Variants in AMZ1 observed in about 807,000 individuals in gnomAD.
AMZ1 encodes the protein archaemetzincin-1.
Under a neutral mutation model 29.9 loss-of-function variants are expected in AMZ1, and 39 were observed. The observed-to-expected ratio is 1.30, with a 90% CI of 1.01 to 1.70. The LOEUF (loss-of-function observed/expected upper bound fraction) is 1.70. Among genes scored for constraint, AMZ1 ranks in the 40% most tolerant of loss-of-function variants. The pLI is 0.00. For missense variants in AMZ1, 1,041 were observed against 680.6 expected, an observed-to-expected ratio of 1.53 and a Z score of -5.89; for synonymous variants, 458 against 304.0, an observed-to-expected ratio of 1.51 and a Z score of -5.27.
chr7:2,736,279 T>C (rs1344462998), intron 4 of AMZ1, among the ~76,000 whole-genome samples: 1 of 152,082 alleles, frequency 6.6e-6, no homozygotes, highest in Non-Finnish European at 1.5e-5. Context: ...GGTCACACGA[T>C]CTAGAAACAC....
intron 4 of AMZ1, among the ~76,000 whole-genome samples, chr7:2,754,197 A>C (rs1356776280): frequency 6.6e-6 from 1 of 152,142 alleles, no homozygotes; most frequent in Non-Finnish European, 1.5e-5. Flanking sequence ...CAGCAGTCTG[A>C]GTCTGCATCT....
chr7:2,681,160 C>T (rs532405647), intron 1 of AMZ1, among the ~76,000 whole-genome samples: 4 of 152,236 alleles, frequency 2.6e-5, no homozygotes, highest in South Asian at 4.1e-4. Flanking sequence ...CACTCAGGCC[C>T]GAAAGCCCCA....
upstream of AMZ1, among the ~76,000 whole-genome samples, chr7:2,684,282 G>C (rs1786990642): frequency 1.3e-5 from 2 of 152,160 alleles, no homozygotes; most frequent in Admixed American, 6.5e-5. Context: ...GGCCCACCCT[G>C]ACTCTGACCC....
chr7:2,737,463 A>G (rs375283327), intron 4 of AMZ1, among the ~76,000 whole-genome samples: 146 of 151,742 alleles, frequency 9.6e-4, no homozygotes, highest in African/African-American at 3.2e-3. Flanking sequence ...TAACTTTTGT[A>G]TTTTTAGTAG....
chr7:2,721,670 C>T (rs369928658), downstream of AMZ1, among the ~76,000 whole-genome samples: 18 of 150,692 alleles, frequency 1.2e-4, no homozygotes, highest in East Asian at 2.4e-3. Flanking sequence ...GAGCCGAGAT[C>T]GCGACACTGC....
chr7:2,697,159 A>G (rs1228654666), intron 1 of AMZ1, among the ~76,000 whole-genome samples: 1 of 152,070 alleles, frequency 6.6e-6, no homozygotes, highest in Non-Finnish European at 1.5e-5. Flanking sequence ...CTGGAGTGCA[A>G]TGGCGCAATC....
intron 4 of AMZ1, among the ~76,000 whole-genome samples, chr7:2,735,126 C>T (rs148365310): frequency 2.6e-5 from 4 of 152,240 alleles, no homozygotes; most frequent in South Asian, 4.1e-4. Context: ...CCCTGATTTA[C>T]GACAAGTTCC....
At chr7:2,760,165 C>T (rs530113744), upstream of AMZ1, among the ~76,000 whole-genome samples, 5 of 152,344 alleles carry the variant, frequency 3.3e-5, no homozygotes, top group East Asian at 3.9e-4. Context: ...TTCTTCCCAT[C>T]GCCCGCCTCT....
chr7:2,710,583 G>T (rs1397126171), intron 6 of AMZ1, among the ~76,000 whole-genome samples: 1 of 152,176 alleles, frequency 6.6e-6, no homozygotes, highest in Non-Finnish European at 1.5e-5. Context: ...TTCCTTCTGG[G>T]GTAGAGTGAG....
At chr7:2,700,957 C>T (rs1172380452) in intron 2 of AMZ1, among the ~76,000 whole-genome samples, 2 of 152,198 alleles carry the variant, frequency 1.3e-5, no homozygotes, top group African/African-American at 2.4e-5. Flanking sequence ...ACACGATGCT[C>T]AGACGGCCCA....
intron 3 of AMZ1, among the ~76,000 whole-genome samples, chr7:2,707,755 C>T (rs1052780919): frequency 6.6e-6 from 1 of 151,826 alleles, no homozygotes; most frequent in African/African-American, 2.4e-5. Context: ...TCCTCCGAGC[C>T]AGCCCTGCAG....
chr7:2,763,038 CGTGCCG>C (rs1267482258), upstream of AMZ1: 259 of 1,250,802 alleles, frequency 2.1e-4, 1 homozygote, highest in South Asian at 4.9e-4. Context: ...CAGGACTCAG[CGTGCCG>C]TTCCTCCAGG....
At chr7:2,735,745 G>A (rs62441391) in intron 4 of AMZ1, among the ~76,000 whole-genome samples, 1 of 152,172 alleles carries the variant, frequency 6.6e-6, no homozygotes, top group Non-Finnish European at 1.5e-5. Context: ...CGGTCATCTT[G>A]CATGAGTGGC....
At chr7:2,697,402 T>G (rs1787807656) in intron 1 of AMZ1, among the ~76,000 whole-genome samples, 1 of 151,844 alleles carries the variant, frequency 6.6e-6, no homozygotes, top group Non-Finnish European at 1.5e-5. Context: ...CGGCTCTATT[T>G]TTTATTTTTT....
chr7:2,747,223 A>G (rs931578698), intron 4 of AMZ1, among the ~76,000 whole-genome samples: 1 of 152,244 alleles, frequency 6.6e-6, no homozygotes, highest in Non-Finnish European at 1.5e-5. Context: ...ACCAAAAAAG[A>G]GAATTTTAGA....
chr7:2,707,797 C>T (rs1301793708), intron 3 of AMZ1, among the ~76,000 whole-genome samples: 2 of 151,134 alleles, frequency 1.3e-5, no homozygotes, highest in African/African-American at 4.9e-5. Flanking sequence ...CACCCAGACC[C>T]CCTGCTGCCT....
Position 2,718,623 on chromosome 7 carries a change from G to A in AMZ1, c.*5745G>A, listed in dbSNP as rs543676643. On this transcript the variant is annotated 3_prime_UTR_variant, in exon 7 of 7. Transcript: ENST00000683327. ...CCAGTCTGAAGCCGACGCCCCTCTC[G>A]GTCAGGCTTTCAGCAGCAGAAGGCA... Among the ~76,000 whole-genome samples the A allele has an allele frequency of 2.0e-5, 3 of 152,238 alleles. No individual in the cohort carries two copies. Among genetic ancestry groups the A allele is most frequent in the Non-Finnish European group, 2.9e-5 (2 of 68,050 alleles).
At chr7:2,741,391 G>A (rs151294135) in intron 4 of AMZ1, among the ~76,000 whole-genome samples, 2 of 152,216 alleles carry the variant, frequency 1.3e-5, no homozygotes, top group African/African-American at 4.8e-5. Flanking sequence ...ACAGGGCTAG[G>A]GGTGGGGAGA....
intron 3 of AMZ1, among the ~76,000 whole-genome samples, chr7:2,704,471 A>G (rs1450621280): frequency 9.2e-6 from 1 of 108,288 alleles, no homozygotes; most frequent in Non-Finnish European, 2.0e-5. Context: ...TGACAGAACA[A>G]GACCCGATCA....
Sources: allele counts gnomAD v4.1 joint callset (sites outside exome capture counted in the v4.1 genomes callset), GRCh38; gene constraint gnomAD v4.1.1; transcripts MANE v1.5; gene names NCBI Gene and HGNC (gene_info 2026-07-23, HGNC 2026-07-21).